BTG4: variants seen among roughly 807,000 people sequenced by gnomAD.
BTG4 encodes the protein BTG anti-proliferation factor 4.
A neutral mutation model predicts 19.3 loss-of-function variants in BTG4; 10 were observed. That is an observed-to-expected ratio of 0.52 (90% CI 0.32 to 0.88). BTG4 has a LOEUF of 0.88. Among genes scored for constraint, BTG4 ranks in the 40% least tolerant of loss-of-function variants. The pLI is 0.04. For synonymous variants in BTG4, 91 were observed against 95.7 expected (o/e 0.95, Z 0.29); for missense variants, 238 against 281.9 (o/e 0.84, Z 1.11).
In BTG4 at chr11:111,499,034, A is replaced by G. The variant is rs148748977; in HGVS notation, c.-26-232T>C. Among the ~76,000 whole-genome samples the G allele has an allele frequency of 7.6e-3, 1,156 of 152,332 alleles. 22 individuals are homozygous for G. The highest frequency in any genetic ancestry group is 0.026 in the African/African-American group (1,072 of 41,572). ...TTTAAAGGTTTTCAAAGGAAAAAAA[A>G]AAGTCTTTTTAAAATTTTAAAGCAC... On this transcript the variant is annotated intron_variant, in intron 1 of 4. Transcript: ENST00000692032.
chr11:111,494,239 G>C (rs780891916), downstream of BTG4, among the ~76,000 whole-genome samples: 1 of 152,178 alleles, frequency 6.6e-6, no homozygotes, highest in Non-Finnish European at 1.5e-5. Context: ...AAGAGATTGA[G>C]AAGACAGCTA....
chr11:111,510,203 C>T (rs1376656259), intron 1 of BTG4, among the ~76,000 whole-genome samples: 1 of 152,114 alleles, frequency 6.6e-6, no homozygotes, highest in Non-Finnish European at 1.5e-5. Context: ...AGCCACAACC[C>T]CCGGCCTGTC....
chr11:111,437,630 T>C, the BTG4 span, among the ~76,000 whole-genome samples: 2 of 152,144 alleles, frequency 1.3e-5, no homozygotes, highest in Admixed American at 6.5e-5. Context: ...CCTCACCGCC[T>C]TGCCTGAGGC....
In BTG4 at chr11:111,512,184, G is replaced by A. The variant is rs1188328899; in HGVS notation, c.-30C>T. On this transcript the variant is annotated 5_prime_UTR_variant, in exon 1 of 5. Coordinates refer to ENST00000692032, the MANE Select transcript of BTG4 (RefSeq NM_001367975.1). ...TCAAACCTATAATTTGAGGTACCTG[G>A]GAAGCCGCTTTCCCAGGGCGGAATG... 1 of 152,204 alleles carries A rather than the reference G, an allele frequency of 6.6e-6. No individual in the cohort carries two copies. Among genetic ancestry groups the A allele is most frequent in the Non-Finnish European group, 1.5e-5 (1 of 68,034 alleles). The allele number at this position is 152,204 out of a possible 1,614,324, so 9.4% of individuals were successfully genotyped here. A position where few individuals can be genotyped will look rare whatever the true frequency, so the allele number is the denominator to read the frequency against.
chr11:111,460,140 G>A, the BTG4 span: 1 of 152,506 alleles, frequency 6.6e-6, no homozygotes, highest in South Asian at 2.1e-4. Flanking sequence ...CTTCCTTTTT[G>A]CCAGAAAAAG....
chr11:111,441,280 G>T, the BTG4 span, among the ~76,000 whole-genome samples: 3 of 152,110 alleles, frequency 2.0e-5, no homozygotes, highest in Non-Finnish European at 1.5e-5. Flanking sequence ...TCAGGGCTCT[G>T]GGGAGTAGGG....
intron 4 of BTG4, 113 bp downstream of exon 4, chr11:111,497,098 A>G: frequency 1.9e-6 from 2 of 1,080,972 alleles, no homozygotes; most frequent in Non-Finnish European, 1.3e-6. Flanking sequence ...GCTTTTAAAA[A>G]TCTACAGTTT....
At chr11:111,399,528 A>G in the BTG4 span, among the ~76,000 whole-genome samples, 1 of 152,160 alleles carries the variant, frequency 6.6e-6, no homozygotes, top group Non-Finnish European at 1.5e-5. Context: ...TTCTAGCCCC[A>G]GGGGAAGTGG....
intron 5 of BTG4, among the ~76,000 whole-genome samples, chr11:111,478,742 C>T (rs1156376945): frequency 1.3e-5 from 2 of 151,814 alleles, no homozygotes; most frequent in Non-Finnish European, 2.9e-5. Context: ...TGAATAGGCT[C>T]AACAGTAAAA....
At chr11:111,434,319 C>G in the BTG4 span, among the ~76,000 whole-genome samples, 1 of 152,208 alleles carries the variant, frequency 6.6e-6, no homozygotes, top group Non-Finnish European at 1.5e-5. Flanking sequence ...CCAAACATCA[C>G]ATGTTCTCAC....
In BTG4 at chr11:111,497,226, C is replaced by A. The variant is rs138340224; in HGVS notation, c.495G>T (p.Pro165=). 64 of 1,612,998 alleles carry A rather than the reference C, an allele frequency of 4.0e-5. No individual in the cohort carries two copies. The highest frequency in any genetic ancestry group is 5.3e-5 in the Non-Finnish European group (63 of 1,179,502). ...EPRVIPKVSN[P]KSIYQVENLK... The stretch of plus-strand genomic sequence containing the variant: ...CACTCTTGACCTGATAAATACTCTT[C>A]GGATTGCTGACTTTAGGAATGACAC... The change falls in exon 4 of 5, where the codon CCG becomes CCT. Residue 165 remains proline, a synonymous_variant. Coordinates refer to ENST00000692032, the MANE Select transcript of BTG4 (RefSeq NM_001367975.1).
intron 5 of BTG4, among the ~76,000 whole-genome samples, chr11:111,470,814 T>A (rs1457593949): frequency 6.6e-6 from 1 of 152,012 alleles, no homozygotes; most frequent in East Asian, 1.9e-4. Flanking sequence ...TCCCAGCTAT[T>A]CAGGAGGCTG....
At chr11:111,513,468 G>A (rs1446522077), upstream of BTG4, 1 of 534,414 alleles carries the variant, frequency 1.9e-6, no homozygotes, top group East Asian at 5.4e-5. Context: ...GTAGTTAGCT[G>A]ATTGCTAATA....
chr11:111,423,388 A>G, the BTG4 span, among the ~76,000 whole-genome samples: 10 of 152,268 alleles, frequency 6.6e-5, no homozygotes, highest in Non-Finnish European at 1.2e-4. Flanking sequence ...TCCATTGTCA[A>G]AACTTGAAAT....
At chr11:111,412,064 AG>A in the BTG4 span, among the ~76,000 whole-genome samples, 1 of 152,242 alleles carries the variant, frequency 6.6e-6, no homozygotes, top group Non-Finnish European at 1.5e-5. Flanking sequence ...TCCAGTGATT[AG>A]GTTTAAGAAA....
At chr11:111,425,779 C>T in the BTG4 span, among the ~76,000 whole-genome samples, 16 of 152,294 alleles carry the variant, frequency 1.1e-4, no homozygotes, top group Admixed American at 7.8e-4. Flanking sequence ...CGCCTATAAT[C>T]GCAGCTCTTT....
rs372328036 is a variant in BTG4 at position 111,480,803 on chromosome 11, T to G, written c.663-13122A>C. On this transcript the variant is annotated intron_variant, in intron 5 of 5. Transcript: ENST00000356018. ...TTACAACACACAGCTAAAGCAGTGC[T>G]GAGAGGCAAATTTATAATACTAAGT... Among the ~76,000 whole-genome samples the G allele has an allele frequency of 1.9e-3, 295 of 151,766 alleles. 17 individuals are homozygous for G. The South Asian group carries it at 0.06, about 31-fold the overall frequency.
At chr11:111,488,374 G>A (rs113697828) in intron 5 of BTG4, among the ~76,000 whole-genome samples, 206 of 152,274 alleles carry the variant, frequency 1.4e-3, no homozygotes, top group African/African-American at 4.7e-3. Flanking sequence ...AATAAATAGT[G>A]TGGGGAAAAC....
At chr11:111,500,539 A>G (rs972790998) in intron 1 of BTG4, among the ~76,000 whole-genome samples, 2 of 152,190 alleles carry the variant, frequency 1.3e-5, no homozygotes, top group African/African-American at 4.8e-5. Flanking sequence ...TGACATTTCA[A>G]ATACTAGCTA....
Sources: allele counts gnomAD v4.1 joint callset (sites outside exome capture counted in the v4.1 genomes callset), GRCh38; gene constraint gnomAD v4.1.1; transcripts MANE v1.5; gene names NCBI Gene and HGNC (gene_info 2026-07-23, HGNC 2026-07-21).